Variants in DNAH6 observed in about 807,000 individuals in gnomAD.
DNAH6 encodes axonemal beta dynein heavy chain 6.
Under a neutral mutation model 491.4 loss-of-function variants are expected in DNAH6, and 340 were observed. The observed-to-expected ratio is 0.69, with a 90% CI of 0.63 to 0.76. The LOEUF is 0.76. Among genes scored for constraint, DNAH6 ranks in the 30% least tolerant of loss-of-function variants. The pLI is 0.00. For synonymous variants in DNAH6, 1,603 were observed against 1,686.1 expected (o/e 0.95, Z 1.21); for missense variants, 4,443 against 4,972.2 (o/e 0.89, Z 3.20).
chr2:84,784,747 A>C lies in DNAH6; in HGVS notation c.10890A>C (p.Arg3630=), dbSNP rs1323129616. ...DPDSAIKDTF[R]LFLSSMPSNT... ...ATAGTGCTATCAAGGACACTTTTCG[A>C]CTTTTTTTAAGCTCCATGCCTAGTA... Residue 3630 remains arginine, a synonymous_variant, in exon 66 of 77, where the codon CGA becomes CGC. Transcript: ENST00000389394. 17 of 1,550,758 alleles carry C rather than the reference A, an allele frequency of 1.1e-5. No homozygotes were observed. Among genetic ancestry groups the C allele is most frequent in the Non-Finnish European group, 1.2e-5 (14 of 1,146,300 alleles).
At chr2:84,621,757 G>T (rs1687420754) in intron 26 of DNAH6, among the ~76,000 whole-genome samples, 1 of 152,060 alleles carries the variant, frequency 6.6e-6, no homozygotes, top group South Asian at 2.1e-4. Flanking sequence ...TAGTATTTAT[G>T]TGAATACTTG....
chr2:84,623,206 C>A (rs555448039), intron 26 of DNAH6, among the ~76,000 whole-genome samples: 1 of 152,048 alleles, frequency 6.6e-6, no homozygotes, highest in Non-Finnish European at 1.5e-5. Flanking sequence ...GGATATAACA[C>A]CAAAAGCACA....
chr2:84,634,756 A>G, intron 30 of DNAH6, 115 bp downstream of exon 30: 2 of 1,303,568 alleles, frequency 1.5e-6, no homozygotes, highest in Non-Finnish European at 2.0e-6. Flanking sequence ...AATCCTGGGG[A>G]GCCCAAGGGG....
chr2:84,624,553 T>G lies in DNAH6; in HGVS notation c.4286T>G (p.Leu1429Arg). 1 of 1,551,716 alleles carries G rather than the reference T, an allele frequency of 6.4e-7. No homozygotes were observed. The highest frequency in any genetic ancestry group is 8.7e-7 in the Non-Finnish European group (1 of 1,146,948). ...DLDNCVARMA[L>R]SQYTYGYEYL... ...GATAATTGTGTGGCTAGAATGGCGC[T>G]CTCTCAGTACACTTATGGCTATGAA... The change falls in exon 28 of 77, where the codon CTC becomes CGC. Residue 1429 changes from leucine to arginine, a missense_variant. Leu to Arg is a moderately radical substitution (Grantham distance 102). Around this residue, in one of 3 missense-constraint regions of DNAH6, gnomAD observed 2,977 missense variants for 3,296.6 expected, o/e 0.90. Coordinates refer to ENST00000389394, the MANE Select transcript of DNAH6 (RefSeq NM_001370.2).
At chr2:84,814,230 G>A (rs1680278551) in intron 75 of DNAH6, 108 bp downstream of exon 75, 10 of 1,159,262 alleles carry the variant, frequency 8.6e-6, no homozygotes, top group Middle Eastern at 2.9e-4. Context: ...ATTGGCAGGA[G>A]CAGGAAGGGC....
rs185833904 is a variant in DNAH6 at position 84,529,293 on chromosome 2, A to G, written c.662+127A>G. ...AATTTTGGTTATCATTCAATGATAA[A>G]TGAATCCTAATCACAACAATTTTGT... On this transcript the variant is annotated intron_variant, in intron 4 of 76. Transcript: ENST00000389394. 2,092 of 737,054 alleles carry G rather than the reference A, an allele frequency of 2.8e-3. 21 individuals carry two copies. Among genetic ancestry groups the G allele is most frequent in the Non-Finnish European group, 3.5e-3 (1,695 of 477,652 alleles). The allele number at this position is 737,054 out of a possible 1,614,324, so 45.7% of individuals were successfully genotyped here.
chr2:84,587,908 G>C (rs1266687489), intron 15 of DNAH6, among the ~76,000 whole-genome samples: 2 of 152,180 alleles, frequency 1.3e-5, no homozygotes, highest in Non-Finnish European at 2.9e-5. Context: ...CCAGGTTGCT[G>C]TTAACTAAGG....
rs543036559 is a variant in DNAH6, at chr2:84,584,096, T to A, written c.2327T>A (p.Phe776Tyr). The A allele has an allele frequency of 1.7e-5, 28 of 1,614,184 alleles. No individual in the cohort carries two copies. In the South Asian group the frequency reaches 2.7e-4, roughly 16 times the overall value. The change falls in exon 15 of 77, where the codon TTT (phenylalanine) becomes TAT (tyrosine). Residue 776 changes from phenylalanine (F) to tyrosine (Y), a missense_variant. Coordinates refer to ENST00000389394, the MANE Select transcript of DNAH6 (RefSeq NM_001370.2). Reference sequence around the variant, plus strand: ...ACACCTCCTGAAGACTTTGCTGTTTTTGCAACTATGAAGCCATCCATTGTT... The same window carrying A: ...ACACCTCCTGAAGACTTTGCTGTTTATGCAACTATGAAGCCATCCATTGTT... ...VPTPPEDFAVFATMKPSIVAV... is the reference protein window; with the variant it reads ...VPTPPEDFAVYATMKPSIVAV...
chr2:84,542,854 G>T (rs1026235828), intron 4 of DNAH6, among the ~76,000 whole-genome samples: 1 of 152,124 alleles, frequency 6.6e-6, no homozygotes, highest in East Asian at 1.9e-4. Context: ...TGAATAACTT[G>T]AAGGCTGTGT....
intron 64 of DNAH6, among the ~76,000 whole-genome samples, chr2:84,774,296 C>G (rs1321331143): frequency 6.6e-6 from 1 of 152,076 alleles, no homozygotes; most frequent in Admixed American, 6.6e-5. Context: ...AGTCAGCTAT[C>G]CTAACACCAT....
intron 20 of DNAH6, among the ~76,000 whole-genome samples, chr2:84,606,352 T>C (rs1166208302): frequency 6.6e-6 from 1 of 152,164 alleles, no homozygotes; most frequent in Non-Finnish European, 1.5e-5. Context: ...ATTGATGTCA[T>C]GTGGTGAGGG....
intron 18 of DNAH6, among the ~76,000 whole-genome samples, chr2:84,597,760 G>A (rs945480157): frequency 6.6e-6 from 1 of 152,198 alleles, no homozygotes; most frequent in Admixed American, 6.5e-5. Context: ...ATATCTATAT[G>A]ATGGAGTTTT....
At chr2:84,805,638 C>T in intron 70 of DNAH6, 27 bp from the exon 71 acceptor site, 6 of 1,521,830 alleles carry the variant, frequency 3.9e-6, no homozygotes, top group Non-Finnish European at 5.3e-6. Context: ...TGAGTCTTCA[C>T]TGTTCTGTCT....
At chr2:84,479,499 A>G in the DNAH6 span, among the ~76,000 whole-genome samples, 1 of 152,202 alleles carries the variant, frequency 6.6e-6, no homozygotes, top group Non-Finnish European at 1.5e-5. Flanking sequence ...GCCTCTCCCA[A>G]ATTACATGTT....
chr2:84,484,948 C>A, the DNAH6 span, among the ~76,000 whole-genome samples: 17 of 152,302 alleles, frequency 1.1e-4, no homozygotes, highest in African/African-American at 3.6e-4. Flanking sequence ...TTCTATAATT[C>A]TGAGTTCTGA....
intron 40 of DNAH6, among the ~76,000 whole-genome samples, chr2:84,676,378 A>C (rs1295725847): frequency 6.6e-6 from 1 of 152,230 alleles, no homozygotes; most frequent in African/African-American, 2.4e-5. Context: ...AGTGCTGTCT[A>C]CTATTTCTAA....
intron 38 of DNAH6, among the ~76,000 whole-genome samples, chr2:84,669,936 A>C (rs1692559291): frequency 6.6e-6 from 1 of 152,198 alleles, no homozygotes; most frequent in African/African-American, 2.4e-5. Flanking sequence ...TTTTTGTTAA[A>C]GTAGAATGGA....
chr2:84,462,374 A>G, the DNAH6 span, among the ~76,000 whole-genome samples: 2 of 152,240 alleles, frequency 1.3e-5, no homozygotes, highest in Non-Finnish European at 2.9e-5. Context: ...TACATCTTAC[A>G]AATATTGATT....
rs753615617 is a variant in DNAH6, at chr2:84,781,487, A to G, written c.10704-6A>G. On this transcript the variant is annotated splice_polypyrimidine_tract_variant and splice_region_variant and intron_variant, in intron 64 of 76. Transcript: ENST00000389394. ...GATGATATTGTGTTCTTGCTGTTCA[A>G]TTCAGGGTGCAGTCAATTTCACTGG... 1.1e-5 allele frequency: 17 copies of G among 1,546,942 alleles called. No homozygotes were observed. The South Asian group carries it at 1.2e-4, about 11-fold the overall frequency.
Sources: gnomAD v4.1 joint callset for allele counts (sites outside exome capture counted in the v4.1 genomes callset) on GRCh38, gnomAD v4.1.1 for gene constraint, gnomAD v4.1.1 regional missense constraint, MANE v1.5 for transcripts, NCBI Gene and HGNC (gene_info 2026-07-23, HGNC 2026-07-21) for gene names.